Variants in CCDC83 observed in about 807,000 individuals in gnomAD.
CCDC83 encodes the protein coiled-coil domain containing 83.
A neutral mutation model predicts 50.1 loss-of-function variants in CCDC83; 54 were observed. The observed-to-expected ratio is 1.08, with a 90% CI of 0.87 to 1.35. The LOEUF (loss-of-function observed/expected upper bound fraction) is 1.35. Ranked by LOEUF, CCDC83 falls within the 40% of genes most tolerant of loss-of-function variation. CCDC83 has a pLI of 0.00. For synonymous variants in CCDC83, 161 were observed against 153.3 expected (o/e 1.05, Z -0.37); for missense variants, 518 against 473.9 (o/e 1.09, Z -0.86).
intron 1 of CCDC83, among the ~76,000 whole-genome samples, chr11:85,860,417 TA>T (rs1468472233): frequency 6.6e-6 from 1 of 151,520 alleles, no homozygotes; most frequent in Admixed American, 6.6e-5. Flanking sequence ...AATCATTAGA[TA>T]AATGCAGATC....
At chr11:85,856,991 C>T in intron 1 of CCDC83, among the ~76,000 whole-genome samples, 1 of 152,170 alleles carries the variant, frequency 6.6e-6, no homozygotes, top group East Asian at 1.9e-4. Flanking sequence ...GAATAAACTA[C>T]CTGGGAACCC....
chr11:85,895,021 T>A (rs567755169), intron 5 of CCDC83, among the ~76,000 whole-genome samples: 10 of 152,234 alleles, frequency 6.6e-5, no homozygotes, highest in Non-Finnish European at 1.5e-4. Context: ...TAACCAGGTC[T>A]ATCAACTTTC....
intron 2 of CCDC83, among the ~76,000 whole-genome samples, chr11:85,870,153 A>G (rs1469169300): frequency 6.6e-6 from 1 of 152,248 alleles, no homozygotes; most frequent in African/African-American, 2.4e-5. Context: ...ATTAAATATG[A>G]GTTTCAGATA....
intron 10 of CCDC83, among the ~76,000 whole-genome samples, chr11:85,916,993 C>A (rs2093479949): frequency 6.6e-6 from 1 of 151,708 alleles, no homozygotes; most frequent in Non-Finnish European, 1.5e-5. Context: ...TGCCTGTAAT[C>A]CCAGCTAGTT....
At chr11:85,871,475 G>C (rs1415469864) in intron 2 of CCDC83, among the ~76,000 whole-genome samples, 1 of 151,922 alleles carries the variant, frequency 6.6e-6, no homozygotes, top group Non-Finnish European at 1.5e-5. Flanking sequence ...TCATTATTGG[G>C]AAAGAAAGAG....
At chr11:85,895,742 A>T (rs2093371410) in intron 6 of CCDC83, among the ~76,000 whole-genome samples, 1 of 152,198 alleles carries the variant, frequency 6.6e-6, no homozygotes, top group South Asian at 2.1e-4. Flanking sequence ...TATTTACCTT[A>T]AAGAAATAGT....
chr11:85,915,565 T>G, intron 9 of CCDC83, 67 bp downstream of exon 9: 1 of 1,149,302 alleles, frequency 8.7e-7, no homozygotes, highest in Non-Finnish European at 1.3e-6. Context: ...TAAAAAACAC[T>G]TACCTATTGT....
intron 1 of CCDC83, among the ~76,000 whole-genome samples, chr11:85,864,612 C>T (rs928005211): frequency 1.3e-5 from 2 of 152,142 alleles, no homozygotes; most frequent in African/African-American, 4.8e-5. Flanking sequence ...TGTAACAACC[C>T]TGCCCAAACC....
At chr11:85,918,730 T>G (rs1017116836) in intron 10 of CCDC83, among the ~76,000 whole-genome samples, 1 of 152,104 alleles carries the variant, frequency 6.6e-6, no homozygotes, top group African/African-American at 2.4e-5. Context: ...CTTGGAGGCC[T>G]TCAATATTTA....
At chr11:85,886,576 T>C (rs2093327975) in intron 5 of CCDC83, among the ~76,000 whole-genome samples, 2 of 151,662 alleles carry the variant, frequency 1.3e-5, no homozygotes, top group Non-Finnish European at 2.9e-5. Flanking sequence ...AATAAAGAAA[T>C]GGGCGGGTGG....
intron 2 of CCDC83, among the ~76,000 whole-genome samples, chr11:85,867,038 G>A (rs77258124): frequency 0.14 from 21,049 of 152,128 alleles, 1,794 homozygotes; most frequent in Middle Eastern, 0.19. Context: ...TGATGCTAGT[G>A]ACTAGGTCTT....
chr11:85,908,712 T>C (rs1209090305), intron 7 of CCDC83, among the ~76,000 whole-genome samples: 1 of 148,444 alleles, frequency 6.7e-6, no homozygotes, highest in Non-Finnish European at 1.5e-5. Context: ...GAGACCAACC[T>C]GACCAACATG....
chr11:85,882,528 G>C lies in CCDC83; in HGVS notation c.196G>C (p.Glu66Gln). 2.5e-6 allele frequency: 4 copies of C among 1,612,950 alleles called. No homozygotes were observed. The highest frequency in any genetic ancestry group is 3.4e-6 in the Non-Finnish European group (4 of 1,179,120). Residue 66 changes from glutamate to glutamine, a missense_variant, in exon 4 of 11, where the codon GAA (glutamate) becomes CAA (glutamine). Transcript: ENST00000342404. The stretch of plus-strand genomic sequence containing the variant: ...TTCATGACAGAATAGCCGCTTAAAA[G>C]AAGAACAGATTTGGCACATACGGCA... The part of the protein sequence containing the change: ...KYHERNSRLK[E>Q]EQIWHIRHLL...
intron 7 of CCDC83, among the ~76,000 whole-genome samples, chr11:85,899,708 C>A (rs76933958): frequency 0.01 from 1,528 of 152,250 alleles, 20 homozygotes; most frequent in African/African-American, 0.029. Flanking sequence ...CAGGCTATAT[C>A]TTTTCAACTA....
intron 6 of CCDC83, among the ~76,000 whole-genome samples, chr11:85,896,760 T>C (rs1236152588): frequency 7.6e-6 from 1 of 130,804 alleles, no homozygotes; most frequent in Non-Finnish European, 1.6e-5. Context: ...ACAAAATATC[T>C]GATTTTTTTT....
intron 5 of CCDC83, among the ~76,000 whole-genome samples, chr11:85,890,412 G>A (rs1228487985): frequency 1.3e-5 from 2 of 152,136 alleles, no homozygotes; most frequent in Non-Finnish European, 2.9e-5. Context: ...CCGGTGATAG[G>A]TCCCCAACAG....
chr11:85,914,904 A>G (rs1451494981), intron 8 of CCDC83, among the ~76,000 whole-genome samples: 3 of 152,222 alleles, frequency 2.0e-5, no homozygotes, highest in Non-Finnish European at 4.4e-5. Context: ...CCTTCTTCAC[A>G]TGGCAGCAGG....
chr11:85,915,526 G>A (rs60185300), intron 9 of CCDC83, 28 bp downstream of exon 9: 345,184 of 1,498,876 alleles, frequency 0.23, 43,671 homozygotes, highest in Non-Finnish European at 0.26. Context: ...TAATGATGAT[G>A]ATTTTTTTCA....
chr11:85,857,412 C>T (rs956965224), intron 1 of CCDC83, among the ~76,000 whole-genome samples: 1 of 152,170 alleles, frequency 6.6e-6, no homozygotes, highest in African/African-American at 2.4e-5. Context: ...AGGAGGAGTA[C>T]CTGTGGTGCA....
Sources: gnomAD v4.1 joint callset for allele counts (sites outside exome capture counted in the v4.1 genomes callset) on GRCh38, gnomAD v4.1.1 for gene constraint, MANE v1.5 for transcripts, NCBI Gene and HGNC (gene_info 2026-07-23, HGNC 2026-07-21) for gene names.